SEMA3A: variants seen among roughly 807,000 people sequenced by gnomAD.
SEMA3A encodes semaphorin-3A.
A neutral mutation model predicts 97.9 loss-of-function variants in SEMA3A; 29 were observed. The observed-to-expected ratio is 0.30, with a 90% CI of 0.22 to 0.40. The LOEUF is 0.40. SEMA3A is among the 10% of genes least tolerant of loss of function. The pLI, the probability that SEMA3A is intolerant of heterozygous loss-of-function variation, is 1.00. For synonymous variants in SEMA3A, 321 were observed against 323.7 expected, an observed-to-expected ratio of 0.99 and a Z score of 0.09; for missense variants, 763 against 951.3, an observed-to-expected ratio of 0.80 and a Z score of 2.60.
chr7:84,248,533 C>A (rs2115597807), intron 3 of SEMA3A, among the ~76,000 whole-genome samples: 1 of 152,302 alleles, frequency 6.6e-6, no homozygotes, highest in South Asian at 2.1e-4. Flanking sequence ...AGCAGATACA[C>A]ATTTATGTTC....
At chr7:84,472,977 T>C (rs1806191325) in intron 1 of SEMA3A, among the ~76,000 whole-genome samples, 1 of 152,110 alleles carries the variant, frequency 6.6e-6, no homozygotes, top group Non-Finnish European at 1.5e-5. Context: ...GTACTGTATA[T>C]TCGGTGTTCC....
chr7:84,208,550 A>G (rs917173187), intron 3 of SEMA3A, among the ~76,000 whole-genome samples: 2 of 152,228 alleles, frequency 1.3e-5, no homozygotes, highest in Non-Finnish European at 2.9e-5. Flanking sequence ...AGAAATATAC[A>G]GCAACCATCT....
intron 3 of SEMA3A, among the ~76,000 whole-genome samples, chr7:84,289,004 T>C (rs904268867): frequency 2.6e-5 from 4 of 152,134 alleles, no homozygotes; most frequent in Non-Finnish European, 5.9e-5. Flanking sequence ...AAATGTGGTA[T>C]ATATACATCC....
At chr7:84,281,161 T>G (rs1800430547) in intron 3 of SEMA3A, among the ~76,000 whole-genome samples, 1 of 152,202 alleles carries the variant, frequency 6.6e-6, no homozygotes, top group Admixed American at 6.5e-5. Flanking sequence ...TTAGTATTTT[T>G]TTCTAGTTGT....
chr7:84,314,367 A>G (rs939010084), intron 2 of SEMA3A, among the ~76,000 whole-genome samples: 2 of 152,106 alleles, frequency 1.3e-5, no homozygotes, highest in Admixed American at 6.6e-5. Flanking sequence ...TTGCCACACC[A>G]CTGATTTTAT....
At chr7:84,230,327 G>A (rs556843708) in intron 3 of SEMA3A, among the ~76,000 whole-genome samples, 210 of 151,868 alleles carry the variant, frequency 1.4e-3, no homozygotes, top group African/African-American at 5.0e-3. Context: ...CAACTATGGC[G>A]TATATTCTGA....
chr7:83,999,760 T>C (rs966641130), intron 12 of SEMA3A, among the ~76,000 whole-genome samples: 13 of 152,106 alleles, frequency 8.5e-5, no homozygotes, highest in African/African-American at 2.9e-4. Flanking sequence ...TAAGAGACTC[T>C]GGAAATTAGA....
At chr7:84,038,937 G>A (rs937510090) in intron 6 of SEMA3A, among the ~76,000 whole-genome samples, 5 of 152,066 alleles carry the variant, frequency 3.3e-5, no homozygotes, top group Admixed American at 3.3e-4. Context: ...ACTACTACTA[G>A]AAACATATTA....
intron 1 of SEMA3A, among the ~76,000 whole-genome samples, chr7:84,447,676 C>T (rs1196781126): frequency 6.6e-6 from 1 of 152,332 alleles, no homozygotes; most frequent in East Asian, 1.9e-4. Context: ...TAAAGCTTCT[C>T]TCCACCTTGC....
At chr7:84,319,680 A>C (rs1801599809) in intron 2 of SEMA3A, among the ~76,000 whole-genome samples, 1 of 152,290 alleles carries the variant, frequency 6.6e-6, no homozygotes, top group South Asian at 2.1e-4. Flanking sequence ...TATCACCAAA[A>C]TATATTGCAG....
chr7:84,403,436 G>T (rs1803965292), intron 1 of SEMA3A, among the ~76,000 whole-genome samples: 2 of 152,208 alleles, frequency 1.3e-5, no homozygotes, highest in South Asian at 4.1e-4. Flanking sequence ...AGCTCAAGGA[G>T]GCCTGCTGCC....
chr7:84,399,907 A>G (rs555509260), intron 1 of SEMA3A, among the ~76,000 whole-genome samples: 4 of 152,244 alleles, frequency 2.6e-5, no homozygotes, highest in Admixed American at 2.6e-4. Flanking sequence ...CCCCTCCCCC[A>G]ACTCCAGGCA....
chr7:84,081,613 A>T (rs2115802384), intron 4 of SEMA3A, among the ~76,000 whole-genome samples: 1 of 151,788 alleles, frequency 6.6e-6, no homozygotes, highest in Non-Finnish European at 1.5e-5. Context: ...AAAAAAAAAA[A>T]AAAGATTTCC....
At chr7:83,969,712 A>C (rs1788845331) in intron 15 of SEMA3A, among the ~76,000 whole-genome samples, 1 of 152,204 alleles carries the variant, frequency 6.6e-6, no homozygotes, top group Admixed American at 6.5e-5. Flanking sequence ...AAATATTCTA[A>C]ATTTGTTAAG....
At chr7:84,211,311 G>A (rs964612845) in intron 3 of SEMA3A, among the ~76,000 whole-genome samples, 3 of 151,946 alleles carry the variant, frequency 2.0e-5, no homozygotes, top group African/African-American at 4.8e-5. Flanking sequence ...AAAGAAGTGG[G>A]ATTTTAAAAC....
intron 4 of SEMA3A, among the ~76,000 whole-genome samples, chr7:84,108,717 C>T (rs190017911): frequency 5.3e-5 from 8 of 152,058 alleles, no homozygotes; most frequent in East Asian, 1.9e-4. Context: ...CCAGCCTAAG[C>T]GACATGGTGA....
At chr7:84,307,071 T>C (rs1482457891) in intron 3 of SEMA3A, 1 of 151,852 alleles carries the variant, frequency 6.6e-6, no homozygotes, top group Non-Finnish European at 1.5e-5. Flanking sequence ...CAGAAGACTA[T>C]ATAAACAAAA....
intron 1 of SEMA3A, among the ~76,000 whole-genome samples, chr7:84,379,341 G>GGTTAATATCT (rs1213060653): frequency 1.3e-5 from 2 of 152,066 alleles, no homozygotes; most frequent in African/African-American, 4.8e-5. Context: ...ATAGCTCTAT[G>GGTTAATATCT]GTTAATATCT....
chr7:84,132,843 T>C (rs190277331), intron 2 of SEMA3A, among the ~76,000 whole-genome samples: 2 of 151,996 alleles, frequency 1.3e-5, no homozygotes, highest in Non-Finnish European at 2.9e-5. Flanking sequence ...ACCCAGCTAA[T>C]TTTTGTATTT....
Sources: gnomAD v4.1 joint callset for allele counts (sites outside exome capture counted in the v4.1 genomes callset) on GRCh38, gnomAD v4.1.1 for gene constraint, MANE v1.5 for transcripts, NCBI Gene and HGNC (gene_info 2026-07-23, HGNC 2026-07-21) for gene names.